DKK2: variants seen among roughly 807,000 people sequenced by gnomAD.
DKK2 encodes dickkopf Wnt signaling pathway inhibitor 2, also known as dickkopf-related protein 2.
DKK2 carries 11 observed loss-of-function variants against 28.1 expected under a neutral mutation model. The observed-to-expected ratio is 0.39, with a 90% CI of 0.25 to 0.65. DKK2 has a LOEUF of 0.65. DKK2 is among the 30% of genes least tolerant of loss of function. DKK2 has a pLI of 0.47. For missense variants in DKK2, 326 were observed against 335.5 expected, an observed-to-expected ratio of 0.97 and a Z score of 0.22; for synonymous variants, 135 against 126.5, an observed-to-expected ratio of 1.07 and a Z score of -0.45.
intron 1 of DKK2, among the ~76,000 whole-genome samples, chr4:107,021,969 G>T (rs1474294265): frequency 6.6e-6 from 1 of 152,052 alleles, no homozygotes; most frequent in Non-Finnish European, 1.5e-5. Flanking sequence ...TTCTGTTAAT[G>T]AGGAAAGGTT....
chr4:107,035,684 G>T lies in DKK2; in HGVS notation c.-93C>A, dbSNP rs1020138551. The T allele has an allele frequency of 7.4e-7, 1 of 1,346,744 alleles. No individual in the cohort carries two copies. Among genetic ancestry groups the T allele is most frequent in the African/African-American group, 1.4e-5 (1 of 69,760 alleles). The allele number at this position is 1,346,744 out of a possible 1,614,324, so 83.4% of individuals were successfully genotyped here. ...CCCCAACACGGGGCCCCTCACTTGG[G>T]TCGCGGGGGCTTGCAGATTGTGTTC... On this transcript the variant is annotated 5_prime_UTR_variant, in exon 1 of 4. Coordinates refer to ENST00000285311, the MANE Select transcript of DKK2 (RefSeq NM_014421.3).
At chr4:107,007,250 G>A (rs1485102940) in intron 1 of DKK2, among the ~76,000 whole-genome samples, 1 of 152,074 alleles carries the variant, frequency 6.6e-6, no homozygotes, top group African/African-American at 2.4e-5. Flanking sequence ...ATCCCCCTGA[G>A]TCAATAGACC....
intron 1 of DKK2, among the ~76,000 whole-genome samples, chr4:106,983,169 A>C (rs1188327829): frequency 6.6e-6 from 1 of 151,894 alleles, no homozygotes; most frequent in Non-Finnish European, 1.5e-5. Context: ...ATGATGTCTT[A>C]AATATTTATG....
At chr4:106,950,380 A>G (rs1277966804) in intron 1 of DKK2, among the ~76,000 whole-genome samples, 1 of 152,144 alleles carries the variant, frequency 6.6e-6, no homozygotes, top group East Asian at 1.9e-4. Flanking sequence ...CTGCCACTCT[A>G]TTCCAAGATA....
At chr4:106,926,887 G>A (rs1724432788) in intron 1 of DKK2, among the ~76,000 whole-genome samples, 1 of 152,106 alleles carries the variant, frequency 6.6e-6, no homozygotes, top group African/African-American at 2.4e-5. Context: ...CCTCTTGGAA[G>A]TATTTGGAAC....
At chr4:106,934,400 T>C (rs1724548418) in intron 1 of DKK2, among the ~76,000 whole-genome samples, 1 of 152,222 alleles carries the variant, frequency 6.6e-6, no homozygotes, top group Non-Finnish European at 1.5e-5. Flanking sequence ...CAGAGCTTTT[T>C]AGAAGAGGTA....
At chr4:106,958,951 C>T (rs1017800586) in intron 1 of DKK2, among the ~76,000 whole-genome samples, 1 of 151,832 alleles carries the variant, frequency 6.6e-6, no homozygotes, top group African/African-American at 2.4e-5. Context: ...TGCCCTCATT[C>T]CTAATAGATT....
At chr4:106,936,414 GA>G (rs200142238) in intron 1 of DKK2, among the ~76,000 whole-genome samples, 3,455 of 152,180 alleles carry the variant, frequency 0.023, 143 homozygotes, top group African/African-American at 0.079. Context: ...GAAGTTTAGA[GA>G]AAAAAGAATA....
intron 1 of DKK2, among the ~76,000 whole-genome samples, chr4:106,973,075 T>C (rs1560583445): frequency 6.6e-6 from 1 of 151,424 alleles, no homozygotes; most frequent in Non-Finnish European, 1.5e-5. Context: ...GAACTCATCC[T>C]TTTTTATGGC....
intron 1 of DKK2, among the ~76,000 whole-genome samples, chr4:106,972,931 T>C (rs1313149761): frequency 6.6e-6 from 1 of 152,040 alleles, no homozygotes; most frequent in African/African-American, 2.4e-5. Context: ...GATGTTCCCT[T>C]CTCTGGGTCC....
intron 1 of DKK2, among the ~76,000 whole-genome samples, chr4:107,022,290 T>C (rs17037236): frequency 0.27 from 40,433 of 152,012 alleles, 5,642 homozygotes; most frequent in East Asian, 0.53. Context: ...GTTTGTTGAC[T>C]GTGATCATAG....
Position 106,957,039 on chromosome 4 carries a change from C to G in DKK2, c.223-31090G>C, listed in dbSNP as rs184325786. Among the ~76,000 whole-genome samples the G allele has an allele frequency of 8.2e-4, 124 of 151,778 alleles. 2 individuals are homozygous for G. The East Asian group carries it at 0.023, about 28-fold the overall frequency. On this transcript the variant is annotated intron_variant, in intron 1 of 3. Coordinates refer to ENST00000285311, the MANE Select transcript of DKK2 (RefSeq NM_014421.3). ...GCTAATATCCAGAATCTACAATGAA[C>G]TCAAACAAATTTACAAGAAAAAAAC...
intron 1 of DKK2, among the ~76,000 whole-genome samples, chr4:107,010,576 G>T (rs1019904689): frequency 6.6e-6 from 1 of 151,498 alleles, no homozygotes; most frequent in Non-Finnish European, 1.5e-5. Context: ...TTAGTAAGAC[G>T]TGTCAAGTCT....
intron 1 of DKK2, among the ~76,000 whole-genome samples, chr4:107,021,113 G>T (rs574445175): frequency 5.9e-5 from 9 of 152,040 alleles, no homozygotes; most frequent in Non-Finnish European, 1.0e-4. Flanking sequence ...GACATGGAAA[G>T]GTTTACAATT....
chr4:106,989,290 C>A (rs1385648485), intron 1 of DKK2, among the ~76,000 whole-genome samples: 1 of 152,066 alleles, frequency 6.6e-6, no homozygotes, highest in East Asian at 1.9e-4. Flanking sequence ...GTATAGTGTG[C>A]CAGAAGGATT....
intron 1 of DKK2, among the ~76,000 whole-genome samples, chr4:106,929,110 G>A (rs1461963970): frequency 1.3e-5 from 2 of 152,130 alleles, no homozygotes; most frequent in African/African-American, 4.8e-5. Context: ...CTCATTTGAT[G>A]ATGGCTTTGT....
At chr4:106,978,426 T>C (rs185870183) in intron 1 of DKK2, among the ~76,000 whole-genome samples, 2 of 152,234 alleles carry the variant, frequency 1.3e-5, no homozygotes, top group Non-Finnish European at 2.9e-5. Flanking sequence ...CTTTCTTTCA[T>C]AGTTGCCCTG....
At chr4:106,961,127 T>C (rs1287019373) in intron 1 of DKK2, among the ~76,000 whole-genome samples, 6 of 152,116 alleles carry the variant, frequency 3.9e-5, no homozygotes, top group Non-Finnish European at 7.4e-5. Flanking sequence ...AATATTTTGA[T>C]AAAAGAGAAT....
intron 1 of DKK2, among the ~76,000 whole-genome samples, chr4:106,938,523 C>T (rs1223218543): frequency 6.6e-5 from 10 of 152,278 alleles, no homozygotes; most frequent in Admixed American, 3.3e-4. Flanking sequence ...GATTCACAGC[C>T]GAATTCTACC....
Sources: allele counts gnomAD v4.1 joint callset (sites outside exome capture counted in the v4.1 genomes callset), GRCh38; gene constraint gnomAD v4.1.1; transcripts MANE v1.5; gene names NCBI Gene and HGNC (gene_info 2026-07-23, HGNC 2026-07-21).